Variants in CPNE4 observed in about 807,000 individuals in gnomAD.
CPNE4 encodes copine 4, also known as copine-4.
CPNE4 carries 25 observed loss-of-function variants against 67.9 expected under a neutral mutation model. That is an observed-to-expected ratio of 0.37 (90% CI 0.27 to 0.51). CPNE4 has a LOEUF of 0.51. CPNE4 is among the 20% of genes least tolerant of loss of function. The pLI is 0.93. For missense variants in CPNE4, 464 were observed against 690.8 expected (o/e 0.67, Z 3.68); for synonymous variants, 242 against 244.9 (o/e 0.99, Z 0.11).
intron 1 of CPNE4, among the ~76,000 whole-genome samples, chr3:132,023,427 A>C (rs960632567): frequency 1.3e-5 from 2 of 150,812 alleles, no homozygotes; most frequent in Non-Finnish European, 2.9e-5. Flanking sequence ...GTTGCTTTTT[A>C]AAATAAATAA....
Position 131,921,894 on chromosome 3 carries a change from G to A in CPNE4, c.-1-16450C>T, listed in dbSNP as rs375496523. ...TCCAAACTAGAGAGAAGAGAGAAGAGAGGTAATATTTATCAAGCAGGCTCT... is the reference window on the plus strand; with the variant it reads ...TCCAAACTAGAGAGAAGAGAGAAGAAAGGTAATATTTATCAAGCAGGCTCT... On this transcript the variant is annotated intron_variant, in intron 1 of 15. Coordinates refer to ENST00000429747, the MANE Select transcript of CPNE4 (RefSeq NM_130808.3). Among the ~76,000 whole-genome samples the A allele has an allele frequency of 7.6e-4, 115 of 152,148 alleles. 1 individual carries two copies. Among genetic ancestry groups the A allele is most frequent in the African/African-American group, 2.6e-3 (106 of 41,502 alleles).
intron 6 of CPNE4, among the ~76,000 whole-genome samples, chr3:131,676,331 T>G (rs1330497958): frequency 6.6e-6 from 1 of 152,092 alleles, no homozygotes; most frequent in East Asian, 1.9e-4. Context: ...AGTCCTGGGA[T>G]TACATGTGTG....
At chr3:131,889,497 T>G (rs1056680341) in intron 2 of CPNE4, among the ~76,000 whole-genome samples, 22 of 152,226 alleles carry the variant, frequency 1.4e-4, no homozygotes, top group Non-Finnish European at 2.2e-4. Flanking sequence ...AATTTCAGGT[T>G]GAATGAAAGC....
At chr3:132,013,676 G>A (rs2073825153) in intron 1 of CPNE4, among the ~76,000 whole-genome samples, 1 of 152,104 alleles carries the variant, frequency 6.6e-6, no homozygotes, top group Non-Finnish European at 1.5e-5. Context: ...AACATTTTGG[G>A]AATAATTATT....
intron 2 of CPNE4, among the ~76,000 whole-genome samples, chr3:131,819,481 C>T (rs1583262812): frequency 7.8e-6 from 1 of 127,996 alleles, no homozygotes; most frequent in East Asian, 2.3e-4. Context: ...TTCACACAGA[C>T]ACACACAGAT....
chr3:131,605,020 A>T (rs988488120), intron 7 of CPNE4, among the ~76,000 whole-genome samples: 1 of 152,182 alleles, frequency 6.6e-6, no homozygotes, highest in Non-Finnish European at 1.5e-5. Context: ...TCCTCTAAGT[A>T]CATCTCATTT....
intron 1 of CPNE4, among the ~76,000 whole-genome samples, chr3:132,023,038 T>C (rs2074030947): frequency 6.6e-6 from 1 of 152,200 alleles, no homozygotes; most frequent in African/African-American, 2.4e-5. Context: ...AGCATCAAAG[T>C]GTCTGAACAA....
At chr3:131,776,572 T>A (rs2083295504) in intron 2 of CPNE4, among the ~76,000 whole-genome samples, 1 of 152,138 alleles carries the variant, frequency 6.6e-6, no homozygotes, top group Non-Finnish European at 1.5e-5. Flanking sequence ...TCCAGTCAGC[T>A]TCAAACTGAT....
intron 2 of CPNE4, among the ~76,000 whole-genome samples, chr3:131,785,543 C>G (rs1325650910): frequency 2.0e-5 from 3 of 152,046 alleles, no homozygotes; most frequent in African/African-American, 7.2e-5. Flanking sequence ...TGTTTCTCTC[C>G]TCTTGACTTA....
At chr3:131,901,760 T>C (rs2088560856) in intron 2 of CPNE4, among the ~76,000 whole-genome samples, 1 of 152,042 alleles carries the variant, frequency 6.6e-6, no homozygotes. Flanking sequence ...CATCTTCTCC[T>C]TTTGTCCCTG....
intron 1 of CPNE4, among the ~76,000 whole-genome samples, chr3:132,022,829 C>T (rs1302463335): frequency 6.6e-6 from 1 of 152,174 alleles, no homozygotes; most frequent in African/African-American, 2.4e-5. Context: ...AACTTCTTAT[C>T]CAAGGATCTG....
intron 1 of CPNE4, among the ~76,000 whole-genome samples, chr3:131,952,769 G>T (rs2071801962): frequency 6.6e-6 from 1 of 151,964 alleles, no homozygotes; most frequent in Non-Finnish European, 1.5e-5. Context: ...GAACGGGCCA[G>T]GATGACCATG....
intron 3 of CPNE4, among the ~76,000 whole-genome samples, chr3:131,717,554 T>A (rs2081731458): frequency 6.6e-6 from 1 of 152,192 alleles, no homozygotes; most frequent in Non-Finnish European, 1.5e-5. Context: ...GCCAGCATCA[T>A]GTTATATTCC....
rs186085943 is a variant in CPNE4 at position 131,746,016 on chromosome 3, C to T, written c.181-22391G>A. 3.7e-4 allele frequency among the ~76,000 whole-genome samples: 56 copies of T among 152,210 alleles called. 1 individual carries two copies. The highest frequency in any genetic ancestry group is 5.7e-4 in the Non-Finnish European group (39 of 67,950). On this transcript the variant is annotated intron_variant, in intron 2 of 15. Coordinates refer to ENST00000429747, the MANE Select transcript of CPNE4 (RefSeq NM_130808.3). ...TATTTTCAGTCTTTTAATCCACGAACATGGCATGTGTCTCTATTTACTTAG... is the reference window on the plus strand; with the variant it reads ...TATTTTCAGTCTTTTAATCCACGAATATGGCATGTGTCTCTATTTACTTAG...
chr3:131,709,772 G>A (rs1502672), intron 3 of CPNE4, among the ~76,000 whole-genome samples: 5,808 of 152,276 alleles, frequency 0.038, 138 homozygotes, highest in East Asian at 0.1. Flanking sequence ...TAATTGGTAC[G>A]AAGCTTTCAG....
intron 6 of CPNE4, among the ~76,000 whole-genome samples, chr3:131,680,842 C>T (rs6810036): frequency 0.54 from 81,762 of 151,760 alleles, 22,430 homozygotes; most frequent in East Asian, 0.8. Flanking sequence ...TCCCCTGCGT[C>T]CCCACAGTCC....
In CPNE4 at chr3:132,034,698, G is replaced by A. The variant is rs2074309145; in HGVS notation, c.-133C>T. On this transcript the variant is annotated 5_prime_UTR_variant, in exon 1 of 16. In the 5' UTR this introduces an upstream ATG that the reference lacks. Coordinates refer to ENST00000429747, the MANE Select transcript of CPNE4 (RefSeq NM_130808.3). ...GTAGTTTTGTACTGATGTAAGGGGC[G>A]TCGCACCTCCTTCCCCTCTCGTCCT... is the stretch of plus-strand genomic sequence containing the variant. The A allele has an allele frequency of 1.0e-6, 1 of 985,382 alleles. No homozygotes were observed. Among genetic ancestry groups the A allele is most frequent in the Non-Finnish European group, 1.2e-6 (1 of 830,016 alleles). 61.0% of individuals were successfully genotyped at this position (985,382 alleles called of 1,614,324 possible).
At chr3:131,883,171 A>G (rs60137373) in intron 2 of CPNE4, among the ~76,000 whole-genome samples, 12,743 of 152,252 alleles carry the variant, frequency 0.084, 615 homozygotes, top group East Asian at 0.17. Flanking sequence ...CTGAAGTTAC[A>G]CTGTACCAGT....
chr3:131,687,492 C>T (rs2080921086), intron 5 of CPNE4, among the ~76,000 whole-genome samples: 1 of 152,066 alleles, frequency 6.6e-6, no homozygotes, highest in Admixed American at 6.6e-5. Context: ...CGAATTTCAC[C>T]AAGTAATTTT....
Sources: allele counts gnomAD v4.1 joint callset (sites outside exome capture counted in the v4.1 genomes callset), GRCh38; gene constraint gnomAD v4.1.1; transcripts MANE v1.5; gene names NCBI Gene and HGNC (gene_info 2026-07-23, HGNC 2026-07-21).